The following WDPCP variants were observed in gnomAD, a reference collection of about 807,000 sequenced individuals.
The protein encoded by WDPCP is WD repeat containing planar cell polarity effector, also known as WD repeat-containing and planar cell polarity effector protein fritz homolog.
A neutral mutation model predicts 93.1 loss-of-function variants in WDPCP; 71 were observed. The observed-to-expected ratio is 0.76, with a 90% CI of 0.63 to 0.93. The LOEUF (loss-of-function observed/expected upper bound fraction) is 0.93. Among genes scored for constraint, WDPCP ranks in the 40% least tolerant of loss-of-function variants. The pLI is 0.00. For synonymous variants in WDPCP, 315 were observed against 315.0 expected, an observed-to-expected ratio of 1.00 and a Z score of 0.00; for missense variants, 844 against 887.4, an observed-to-expected ratio of 0.95 and a Z score of 0.62.
chr2:63,449,858 A>G (rs900981001), intron 6 of WDPCP, among the ~76,000 whole-genome samples: 1 of 152,062 alleles, frequency 6.6e-6, no homozygotes, highest in African/African-American at 2.4e-5. Context: ...GCCCCCATAT[A>G]TCCACATCCT....
At chr2:63,353,804 T>C (rs989217450) in intron 12 of WDPCP, among the ~76,000 whole-genome samples, 1 of 152,138 alleles carries the variant, frequency 6.6e-6, no homozygotes, top group Non-Finnish European at 1.5e-5. Context: ...TCCCTGGTGA[T>C]ACCTCCAGGT....
At chr2:63,451,893 G>A (rs1053574979) in intron 6 of WDPCP, among the ~76,000 whole-genome samples, 3 of 150,884 alleles carry the variant, frequency 2.0e-5, no homozygotes, top group Non-Finnish European at 3.0e-5. Flanking sequence ...AAAAGTCAAC[G>A]CTTCATGCTA....
At chr2:63,736,818 TTGC>T (rs1449632220) in intron 2 of WDPCP, among the ~76,000 whole-genome samples, 1 of 152,214 alleles carries the variant, frequency 6.6e-6, no homozygotes, top group Non-Finnish European at 1.5e-5. Context: ...TATAATAATT[TTGC>T]TGCTTTTTAT....
chr2:63,802,669 T>C (rs889720914), intron 2 of WDPCP, among the ~76,000 whole-genome samples: 2 of 152,214 alleles, frequency 1.3e-5, no homozygotes, highest in African/African-American at 4.8e-5. Flanking sequence ...TTTTGCTGCA[T>C]TGTACCTAGT....
At chr2:63,811,140 G>A (rs1380743539) in intron 2 of WDPCP, among the ~76,000 whole-genome samples, 1 of 152,156 alleles carries the variant, frequency 6.6e-6, no homozygotes, top group African/African-American at 2.4e-5. Context: ...CGGAACCCAA[G>A]GACAGAGAAG....
At chr2:63,212,795 A>AAC (rs1340750608) in intron 14 of WDPCP, among the ~76,000 whole-genome samples, 10 of 91,396 alleles carry the variant, frequency 1.1e-4, no homozygotes, top group African/African-American at 2.7e-4. Context: ...AATGGAAAAC[A>AAC]AAAAAAAAAA....
At chr2:63,653,799 A>C (rs1710135148) in intron 2 of WDPCP, among the ~76,000 whole-genome samples, 1 of 151,706 alleles carries the variant, frequency 6.6e-6, no homozygotes, top group Non-Finnish European at 1.5e-5. Context: ...AATCCCAGTT[A>C]CTCGGGAGGC....
At chr2:63,431,621 G>A (rs987157514) in intron 9 of WDPCP, among the ~76,000 whole-genome samples, 5 of 150,044 alleles carry the variant, frequency 3.3e-5, no homozygotes, top group African/African-American at 1.2e-4. Context: ...TTTGGTTCAC[G>A]ATATTCTAAA....
intron 1 of WDPCP, among the ~76,000 whole-genome samples, 195 bp downstream of exon 1, chr2:63,588,002 G>A (rs1352941628): frequency 6.6e-6 from 1 of 152,184 alleles, no homozygotes; most frequent in East Asian, 1.9e-4. Context: ...TTTGGGGTCG[G>A]GGGTGCACCT....
chr2:63,447,335 T>A (rs886562534), intron 6 of WDPCP, among the ~76,000 whole-genome samples: 3 of 152,156 alleles, frequency 2.0e-5, no homozygotes, highest in African/African-American at 4.8e-5. Flanking sequence ...ATAAAATTTT[T>A]AAAAATTGAT....
intron 2 of WDPCP, chr2:63,751,558 T>C: frequency 2.5e-6 from 1 of 399,420 alleles, no homozygotes; most frequent in Non-Finnish European, 4.8e-6. Flanking sequence ...ATCTAAAACA[T>C]GTCTTTTTTT....
At chr2:63,571,007 C>T (rs1210687905) in intron 1 of WDPCP, among the ~76,000 whole-genome samples, 1 of 151,934 alleles carries the variant, frequency 6.6e-6, no homozygotes, top group South Asian at 2.1e-4. Flanking sequence ...TTGGTTCAAG[C>T]AATTCTCCTG....
At chr2:63,649,129 A>G (rs1244521154) in intron 3 of WDPCP, among the ~76,000 whole-genome samples, 1 of 152,206 alleles carries the variant, frequency 6.6e-6, no homozygotes, top group Non-Finnish European at 1.5e-5. Flanking sequence ...TACTTCTAGA[A>G]CATTCCCATC....
At chr2:63,554,516 G>A (rs1705927544) in intron 1 of WDPCP, among the ~76,000 whole-genome samples, 1 of 152,104 alleles carries the variant, frequency 6.6e-6, no homozygotes, top group Non-Finnish European at 1.5e-5. Flanking sequence ...AGCTGGGTAT[G>A]ATGGCAGGCA....
At chr2:63,757,294 G>T (rs1335475113) in intron 2 of WDPCP, among the ~76,000 whole-genome samples, 1 of 152,166 alleles carries the variant, frequency 6.6e-6, no homozygotes, top group African/African-American at 2.4e-5. Flanking sequence ...TTCCCAACAG[G>T]ATTTCAGAAT....
intron 1 of WDPCP, among the ~76,000 whole-genome samples, chr2:63,513,286 A>C (rs1162338317): frequency 6.6e-6 from 1 of 152,240 alleles, no homozygotes; most frequent in Non-Finnish European, 1.5e-5. Flanking sequence ...GAATATTTAC[A>C]TCGTTAGAAA....
chr2:63,308,384 C>A (rs1298016737), intron 13 of WDPCP, among the ~76,000 whole-genome samples: 1 of 152,182 alleles, frequency 6.6e-6, no homozygotes, highest in Non-Finnish European at 1.5e-5. Context: ...CCAGCAATCC[C>A]ATTACTGGGT....
chr2:63,249,615 T>C (rs1171105904), intron 14 of WDPCP, among the ~76,000 whole-genome samples: 1 of 152,148 alleles, frequency 6.6e-6, no homozygotes, highest in African/African-American at 2.4e-5. Flanking sequence ...ACCTCTGATT[T>C]TTTATGTTAA....
At chr2:63,601,420 T>C (rs750713642) in intron 3 of WDPCP, among the ~76,000 whole-genome samples, 2 of 152,182 alleles carry the variant, frequency 1.3e-5, no homozygotes, top group Non-Finnish European at 2.9e-5. Context: ...TAATTTGACA[T>C]TGATACCAGA....
Sources: gnomAD v4.1 joint callset for allele counts (sites outside exome capture counted in the v4.1 genomes callset) on GRCh38, gnomAD v4.1.1 for gene constraint, MANE v1.5 for transcripts, NCBI Gene and HGNC (gene_info 2026-07-23, HGNC 2026-07-21) for gene names.